The following VWA1 variants were observed in gnomAD, a reference collection of about 807,000 sequenced individuals.
The protein encoded by VWA1 is von Willebrand factor A domain containing 1, also known as von Willebrand factor A domain-containing protein 1.
In VWA1, 12 loss-of-function variants were observed where a neutral mutation model predicts 14.9. The ratio of observed to expected loss-of-function variants is 0.80; its 90% CI spans 0.52 to 1.30. The LOEUF (loss-of-function observed/expected upper bound fraction) is 1.30, where lower values mean the gene tolerates loss of function less well. Ranked by LOEUF, VWA1 falls within the 50% of genes most tolerant of loss-of-function variation. The probability of loss-of-function intolerance (pLI) is 0.00; values close to 1 mark genes in which losing one functional copy is unlikely to be tolerated. For synonymous variants in VWA1, 368 were observed against 310.7 expected, an observed-to-expected ratio of 1.18 and a Z score of -1.94; for missense variants, 800 against 649.1, an observed-to-expected ratio of 1.23 and a Z score of -2.53.
At position 1,440,834 on chromosome 1, in the gene VWA1, C is replaced by G. The variant is rs1240698; in HGVS notation, c.*1047C>G. On this transcript the variant is annotated 3_prime_UTR_variant, in exon 3 of 3. Coordinates refer to ENST00000476993, the MANE Select transcript of VWA1 (RefSeq NM_022834.5). ...AGCCGCCGACAGGACAGCTTGTGAACGTCTCCGCCTTTTGGGGTGTCCGGG... is the reference window on the plus strand; with the variant it reads ...AGCCGCCGACAGGACAGCTTGTGAAGGTCTCCGCCTTTTGGGGTGTCCGGG... The G allele has an allele frequency of 0.44, 67,869 of 152,630 alleles. 21,004 individuals are homozygous for G. The highest frequency in any genetic ancestry group is 0.99 in the East Asian group (5,150 of 5,180). The allele number at this position is 152,630 out of a possible 1,614,324, so 9.5% of individuals were successfully genotyped here.
intron 2 of VWA1, 78 bp downstream of exon 2, chr1:1,437,562 G>C (rs374835332): frequency 6.6e-7 from 1 of 1,516,286 alleles, no homozygotes; most frequent in East Asian, 2.3e-5. Context: ...ACTTTGGGAA[G>C]ATCTCATGTC....
rs762050996 is a variant in VWA1, at chr1:1,437,309, C to A, written c.456C>A (p.Gly152=). The part of the protein sequence containing the change: ...VTDGGSSDPV[G]PPMQELKDLG... The stretch of plus-strand genomic sequence containing the variant: ...ATGGCGGCTCCAGCGACCCTGTGGG[C>A]CCCCCCATGCAGGAGCTCAAGGACC... Residue 152 remains glycine, a synonymous_variant, in exon 2 of 3, where the codon GGC becomes GGA. Transcript: ENST00000476993. 6.8e-6 allele frequency: 11 copies of A among 1,610,378 alleles called. No individual in the cohort carries two copies. Among genetic ancestry groups the A allele is most frequent in the South Asian group, 3.3e-5 (3 of 90,678 alleles).
rs545960457 is a variant in VWA1 at position 1,437,503 on chromosome 1, G to A, written c.631+19G>A. 2 of 1,583,076 alleles carry A rather than the reference G, an allele frequency of 1.3e-6. No homozygotes were observed. The highest frequency in any genetic ancestry group is 1.7e-5 in the Admixed American group (1 of 57,786). On this transcript the variant is annotated intron_variant, in intron 2 of 2. Transcript: ENST00000476993. ...ATTCTCGGTATGCGGGAGGAGGCAG[G>A]GCCCAGGGAGCCCTAGCTGGGAGCC...
At position 1,435,779 on chromosome 1, in the gene VWA1, C is replaced by A. The variant is rs1638523734; in HGVS notation, c.31C>A (p.Leu11Met). 1 of 1,222,398 alleles carries A rather than the reference C, an allele frequency of 8.2e-7. No individual in the cohort carries two copies. Among genetic ancestry groups the A allele is most frequent in the South Asian group, 2.1e-5 (1 of 47,874 alleles). 75.7% of individuals were successfully genotyped at this position (1,222,398 alleles called of 1,614,324 possible). The stretch of plus-strand genomic sequence containing the variant: ...CCCCTGGACGGCGCTCGGCCTGGCC[C>A]TGAGCTTGCGGCTGGCGCTGGCGCG... MLPWTALGLALSLRLALARSG... is the reference protein window; with the variant it reads MLPWTALGLAMSLRLALARSG... The change falls in exon 1 of 3, where the codon CTG (leucine) becomes ATG (methionine). Residue 11 changes from leucine to methionine, a missense_variant. Physicochemically the swap from Leu to Met is conservative, Grantham distance 15 (BLOSUM62 2). Coordinates refer to ENST00000476993, the MANE Select transcript of VWA1 (RefSeq NM_022834.5).
intron 1 of VWA1, among the ~76,000 whole-genome samples, chr1:1,436,537 A>G (rs560190640): frequency 2.0e-5 from 3 of 152,288 alleles, no homozygotes; most frequent in African/African-American, 7.2e-5. Flanking sequence ...GCTGAACTCC[A>G]GCCTCAGGCT....
chr1:1,438,442 C>G (rs916294992), intron 2 of VWA1, among the ~76,000 whole-genome samples: 4 of 152,166 alleles, frequency 2.6e-5, no homozygotes, highest in Admixed American at 6.5e-5. Flanking sequence ...GAAAGTGGCC[C>G]AGGCACCCAG....
chr1:1,435,708 G>C lies in VWA1; in HGVS notation c.-41G>C. 2 of 1,180,676 alleles carry C rather than the reference G, an allele frequency of 1.7e-6. No individual in the cohort carries two copies. Among genetic ancestry groups the C allele is most frequent in the Non-Finnish European group, 1.1e-6 (1 of 950,014 alleles). The allele number at this position is 1,180,676 out of a possible 1,614,324, so 73.1% of individuals were successfully genotyped here. The stretch of plus-strand genomic sequence containing the variant: ...GCCCTGCAGCCCCGAGCGAGCGAGC[G>C]AGCGAGCGAGTTGCCGAGCGCGCCC... On this transcript the variant is annotated 5_prime_UTR_variant, in exon 1 of 3. Transcript: ENST00000476993.
chr1:1,439,807 CGA>C lies in VWA1; in HGVS notation c.*24_*25del. ...CCGTAAGCCGGCGTCCCCGCCCAGC[CGA>C]GAGGGCCGGCGCCTACCTGAGGGCC... On this transcript the variant is annotated 3_prime_UTR_variant, in exon 3 of 3. Coordinates refer to ENST00000476993, the MANE Select transcript of VWA1 (RefSeq NM_022834.5). 1 of 1,067,430 alleles carries C rather than the reference CGA, an allele frequency of 9.4e-7. No homozygotes were observed. Among genetic ancestry groups the C allele is most frequent in the Non-Finnish European group, 1.1e-6 (1 of 882,310 alleles). 66.1% of individuals were successfully genotyped at this position (1,067,430 alleles called of 1,614,324 possible).
At position 1,437,484 on chromosome 1, in the gene VWA1, G is replaced by T. The variant is rs778346498; in HGVS notation, c.631G>T (p.Asp211Tyr). ...CCAAGAGCTGAGGGGCTCCATTCTC[G>T]GTATGCGGGAGGAGGCAGGGCCCAG... ...IVQELRGSIL[D>Y]AMRPQQLHAT... The change falls in exon 2 of 3, where the codon GAC becomes TAC. Residue 211 changes from aspartate (D) to tyrosine (Y), a missense_variant and splice_region_variant. Transcript: ENST00000476993. 6.9e-6 allele frequency: 11 copies of T among 1,598,234 alleles called. No homozygotes were observed. The highest frequency in any genetic ancestry group is 9.4e-6 in the Non-Finnish European group (11 of 1,169,356).
At position 1,439,528 on chromosome 1, in the gene VWA1, C is replaced by A. The variant is rs1218536608; in HGVS notation, c.1079C>A (p.Ala360Glu). The change falls in exon 3 of 3, where the codon GCG (alanine) becomes GAG (glutamate). Residue 360 changes from alanine to glutamate, a missense_variant. Physicochemically the swap from Ala to Glu is moderately radical, Grantham distance 107. Transcript: ENST00000476993. ...TGGGCCCCAGCGCTGGGCTCAGCCGCGGCGCTCGGCTACCACGTGCAGTTC... is the reference window on the plus strand; with the variant it reads ...TGGGCCCCAGCGCTGGGCTCAGCCGAGGCGCTCGGCTACCACGTGCAGTTC... ...VSWAPALGSA[A>E]ALGYHVQFGP... The A allele has an allele frequency of 1.5e-6, 2 of 1,363,560 alleles. No individual in the cohort carries two copies. Among genetic ancestry groups the A allele is most frequent in the African/African-American group, 1.6e-5 (1 of 63,674 alleles). The allele number at this position is 1,363,560 out of a possible 1,614,324, so 84.5% of individuals were successfully genotyped here.
In VWA1 at chr1:1,437,040, C is replaced by G. The variant is rs773941196; in HGVS notation, c.187C>G (p.Pro63Ala). The G allele has an allele frequency of 1.5e-5, 24 of 1,611,784 alleles. No individual in the cohort carries two copies. Among genetic ancestry groups the G allele is most frequent in the Non-Finnish European group, 1.2e-5 (14 of 1,179,582 alleles). ...VREFVGQLVAPLPLGTGALRA... is the reference protein window; with the variant it reads ...VREFVGQLVAALPLGTGALRA... The stretch of plus-strand genomic sequence containing the variant: ...GGAGTTTGTGGGGCAGCTGGTGGCT[C>G]CACTGCCCCTGGGCACCGGGGCCCT... The change falls in exon 2 of 3, where the codon CCA becomes GCA. Residue 63 changes from proline to alanine, a missense_variant. Coordinates refer to ENST00000476993, the MANE Select transcript of VWA1 (RefSeq NM_022834.5).
rs1321799050 is a variant in VWA1 at position 1,440,148 on chromosome 1, G to C, written c.*361G>C. ...ACCGGGCCCCAAGTGGCAAGGGCTG[G>C]CCTGGGGCGGGCAGCTTGGGTCCTG... On this transcript the variant is annotated 3_prime_UTR_variant, in exon 3 of 3. Coordinates refer to ENST00000476993, the MANE Select transcript of VWA1 (RefSeq NM_022834.5). 1 of 168,406 alleles carries C rather than the reference G, an allele frequency of 5.9e-6. No homozygotes were observed. The highest frequency in any genetic ancestry group is 1.4e-5 in the Non-Finnish European group (1 of 69,212). The allele number at this position is 168,406 out of a possible 1,614,324, so 10.4% of individuals were successfully genotyped here. A position where few individuals can be genotyped will look rare whatever the true frequency, so the allele number is the denominator to read the frequency against.
chr1:1,438,958 C>T (rs943684049), intron 2 of VWA1, 123 bp from the exon 3 acceptor site: 48 of 1,416,098 alleles, frequency 3.4e-5, no homozygotes, highest in Non-Finnish European at 4.2e-5. Context: ...GCTCCTTGGC[C>T]GCGGGGCCCC....
At chr1:1,438,445 G>C (rs1246696802) in intron 2 of VWA1, among the ~76,000 whole-genome samples, 2 of 152,142 alleles carry the variant, frequency 1.3e-5, no homozygotes, top group Non-Finnish European at 2.9e-5. Context: ...AGTGGCCCAG[G>C]CACCCAGCAC....
At position 1,436,913 on chromosome 1, in the gene VWA1, C is replaced by T. The variant is rs539413630; in HGVS notation, c.74-14C>T. On this transcript the variant is annotated splice_polypyrimidine_tract_variant and intron_variant, in intron 1 of 2. Transcript: ENST00000476993. ...GGCCCACACCTGAGGCTGAGCATTC[C>T]TCCTTTCCCCCAGGTCCACCAGCAT... The T allele has an allele frequency of 2.0e-5, 32 of 1,563,486 alleles. No homozygotes were observed. The Admixed American group carries it at 3.3e-4, about 16-fold the overall frequency.
chr1:1,437,220 C>G lies in VWA1; in HGVS notation c.367C>G (p.Gln123Glu). The change falls in exon 2 of 3, where the codon CAG becomes GAG. Residue 123 changes from glutamine to glutamate, a missense_variant. Coordinates refer to ENST00000476993, the MANE Select transcript of VWA1 (RefSeq NM_022834.5). ...TGLALVYAKE[Q>E]LFAEASGARP... ...CCTGGCGCTGGTCTATGCCAAGGAACAGCTGTTTGCTGAAGCATCAGGTGC... is the reference window on the plus strand; with the variant it reads ...CCTGGCGCTGGTCTATGCCAAGGAAGAGCTGTTTGCTGAAGCATCAGGTGC... 7 of 1,611,786 alleles carry G rather than the reference C, an allele frequency of 4.3e-6. No individual in the cohort carries two copies. Among genetic ancestry groups the G allele is most frequent in the African/African-American group, 1.3e-5 (1 of 75,042 alleles).
intron 1 of VWA1, among the ~76,000 whole-genome samples, chr1:1,436,252 G>C (rs1056930731): frequency 3.3e-5 from 5 of 152,218 alleles, no homozygotes; most frequent in African/African-American, 1.2e-4. Context: ...GTGGGGAGGG[G>C]CGGTGTAGGG....
At chr1:1,437,620 C>A in intron 2 of VWA1, 136 bp downstream of exon 2, 1 of 1,106,534 alleles carries the variant, frequency 9.0e-7, no homozygotes, top group Non-Finnish European at 1.3e-6. Flanking sequence ...CCCTAGGGTG[C>A]AGGGCTGAGT....
chr1:1,439,169 G>A lies in VWA1; in HGVS notation c.720G>A (p.Ser240=). ...GGCCACCCCTGCTGACCGCAGACTC[G>A]GGCTACTATGTGCTGGAGCTGGTGC... ...LAWPPLLTAD[S]GYYVLELVPS... The change falls in exon 3 of 3, where the codon TCG becomes TCA. Residue 240 remains serine (S), a synonymous_variant. Transcript: ENST00000476993. 4 of 1,604,648 alleles carry A rather than the reference G, an allele frequency of 2.5e-6. No individual in the cohort carries two copies. Among genetic ancestry groups the A allele is most frequent in the Non-Finnish European group, 3.4e-6 (4 of 1,179,364 alleles).
Sources: allele counts gnomAD v4.1 joint callset (sites outside exome capture counted in the v4.1 genomes callset), GRCh38; gene constraint gnomAD v4.1.1; transcripts MANE v1.5; gene names NCBI Gene and HGNC (gene_info 2026-07-23, HGNC 2026-07-21).